PTMA: variants seen among roughly 807,000 people sequenced by gnomAD.
PTMA encodes the protein gene sequence 28.
Under a neutral mutation model 16.9 loss-of-function variants are expected in PTMA, and 4 were observed. The ratio of observed to expected loss-of-function variants is 0.24; its 90% CI spans 0.12 to 0.54. PTMA has a LOEUF of 0.54. PTMA is among the 20% of genes least tolerant of loss of function. The pLI, the probability that PTMA is intolerant of heterozygous loss-of-function variation, is 0.95. For missense variants in PTMA, 120 were observed against 137.7 expected (o/e 0.87, Z 0.64); for synonymous variants, 58 against 47.9 (o/e 1.21, Z -0.87).
intron 1 of PTMA, chr2:231,710,810 G>C (rs2048508694): frequency 1.6e-5 from 5 of 310,678 alleles, no homozygotes; most frequent in South Asian, 1.2e-4. Flanking sequence ...GGGTCGGTGT[G>C]CTTTGGCTTT....
At position 231,711,895 on chromosome 2, in the gene PTMA, G is replaced by A; in HGVS notation, c.123G>A (p.Glu41=). The change falls in exon 3 of 5, where the codon GAG becomes GAA. Residue 41 remains glutamate, a synonymous_variant. Coordinates refer to ENST00000409115, the MANE Select transcript of PTMA (RefSeq NM_002823.5). ...GCCTGTTTTCTGTCGAGGAGAATGAGGAAAATGGGGAGCAGGAGGCTGACA... is the reference window on the plus strand; with the variant it reads ...GCCTGTTTTCTGTCGAGGAGAATGAAGAAAATGGGGAGCAGGAGGCTGACA... ...RDAPANGNAN[E]ENGEQEADNE... 1 of 1,612,630 alleles carries A rather than the reference G, an allele frequency of 6.2e-7. No homozygotes were observed. The highest frequency in any genetic ancestry group is 2.2e-5 in the East Asian group (1 of 44,840).
intron 1 of PTMA, chr2:231,709,631 G>A (rs2048490084): frequency 1.3e-5 from 2 of 152,486 alleles, no homozygotes; most frequent in East Asian, 3.9e-4. Context: ...GTCGAACTGG[G>A]GGGGCGCCCG....
chr2:231,712,467 A>C lies in PTMA; in HGVS notation c.236A>C (p.Asp79Ala). Residue 79 changes from aspartate (D) to alanine (A), a missense_variant, in exon 4 of 5, where the codon GAT becomes GCT. Physicochemically the swap from Asp to Ala is moderately radical, Grantham distance 126. Transcript: ENST00000409115. Reference sequence around the variant, plus strand: ...GGTGAGGAAGAGGATGGAGATGAAGATGAGGAAGCTGAGTCAGCTACGGGC... The same window carrying C: ...GGTGAGGAAGAGGATGGAGATGAAGCTGAGGAAGCTGAGTCAGCTACGGGC... ...GDGEEEDGDE[D>A]EEAESATGKR... The C allele has an allele frequency of 6.2e-7, 1 of 1,614,142 alleles. No individual in the cohort carries two copies. Among genetic ancestry groups the C allele is most frequent in the Non-Finnish European group, 8.5e-7 (1 of 1,180,012 alleles).
In PTMA at chr2:231,708,569, T is replaced by G. The variant is rs2048469473; in HGVS notation, c.-138T>G. 2.0e-6 allele frequency: 2 copies of G among 993,428 alleles called. No homozygotes were observed. The highest frequency in any genetic ancestry group is 1.3e-5 in the South Asian group (1 of 76,654). 61.5% of individuals were successfully genotyped at this position (993,428 alleles called of 1,614,324 possible). ...AAAGCCATCTTTGCATTGTTCCTCA[T>G]CCGCCTCCTTGCTCGCCGCAGCCGC... On this transcript the variant is annotated 5_prime_UTR_variant, in exon 1 of 5. Transcript: ENST00000409115.
Position 231,708,720 on chromosome 2 carries a change from C to A in PTMA, c.14C>A (p.Ala5Asp). 1 of 1,603,598 alleles carries A rather than the reference C, an allele frequency of 6.2e-7. No homozygotes were observed. Residue 5 changes from alanine (A) to aspartate (D), a missense_variant, in exon 1 of 5, where the codon GCC (alanine) becomes GAC (aspartate). Physicochemically the swap from Ala to Asp is moderately radical, Grantham distance 126 (BLOSUM62 -2). Coordinates refer to ENST00000409115, the MANE Select transcript of PTMA (RefSeq NM_002823.5). ...GCGTGCCCCACCATGTCAGACGCAGCCGTAGACACCAGCTCCGAAATCACC... is the reference window on the plus strand; with the variant it reads ...GCGTGCCCCACCATGTCAGACGCAGACGTAGACACCAGCTCCGAAATCACC... MSDA[A>D]VDTSSEITTK... is the part of the protein sequence containing the mutation.
rs1398443356 is a variant in PTMA at position 231,711,976 on chromosome 2, A to T, written c.204A>T (p.Glu68Asp). ...EGGEEEEEEE[E>D]GDGEEEDGDE... ...GGGAGGAAGAGGAGGAGGAAGAAGA[A>T]GGTGATGGTGAGTAGCCTTGTCTAT... Residue 68 changes from glutamate (E) to aspartate (D), a missense_variant, in exon 3 of 5, where the codon GAA becomes GAT. Physicochemically the swap from Glu to Asp is conservative, Grantham distance 45. Coordinates refer to ENST00000409115, the MANE Select transcript of PTMA (RefSeq NM_002823.5). 7.0e-6 allele frequency: 11 copies of T among 1,572,162 alleles called. No individual in the cohort carries two copies. Among genetic ancestry groups the T allele is most frequent in the East Asian group, 2.4e-5 (1 of 42,374 alleles).
At position 231,708,530 on chromosome 2, in the gene PTMA, A is replaced by C; in HGVS notation, c.-177A>C. On this transcript the variant is annotated 5_prime_UTR_variant, in exon 1 of 5. Coordinates refer to ENST00000409115, the MANE Select transcript of PTMA (RefSeq NM_002823.5). ...GCTTCTGGCGCCGCGTGAGTCCCCCACTGGCTGCTCTGAAAAGCCATCTTT... is the reference window on the plus strand; with the variant it reads ...GCTTCTGGCGCCGCGTGAGTCCCCCCCTGGCTGCTCTGAAAAGCCATCTTT... 2 of 732,526 alleles carry C rather than the reference A, an allele frequency of 2.7e-6. No individual in the cohort carries two copies. The highest frequency in any genetic ancestry group is 3.0e-5 in the South Asian group (2 of 66,412). 45.4% of individuals were successfully genotyped at this position (732,526 alleles called of 1,614,324 possible). A position where few individuals can be genotyped will look rare whatever the true frequency, so the allele number is the denominator to read the frequency against.
At position 231,711,612 on chromosome 2, in the gene PTMA, C is replaced by G. The variant is rs2048519666; in HGVS notation, c.117+193C>G. On this transcript the variant is annotated intron_variant, in intron 2 of 4. Coordinates refer to ENST00000409115, the MANE Select transcript of PTMA (RefSeq NM_002823.5). ...TAAATATTTATAAAAACCTTTCGAG[C>G]AGCGCCTGAACAAGAATAGGTTCAG... The G allele has an allele frequency of 8.1e-6, 6 of 736,922 alleles. No individual in the cohort carries two copies. In the East Asian group the frequency reaches 1.6e-4, roughly 20 times the overall value. The allele number at this position is 736,922 out of a possible 1,614,324, so 45.6% of individuals were successfully genotyped here.
At chr2:231,708,920 G>A (rs2048476034) in intron 1 of PTMA, among the ~76,000 whole-genome samples, 169 bp downstream of exon 1, 1 of 152,216 alleles carries the variant, frequency 6.6e-6, no homozygotes, top group Non-Finnish European at 1.5e-5. Flanking sequence ...GTGGTGCGGG[G>A]GAGGGGGCGG....
Position 231,708,548 on chromosome 2 carries a change from C to T in PTMA, c.-159C>T, listed in dbSNP as rs1454583740. 1 of 822,652 alleles carries T rather than the reference C, an allele frequency of 1.2e-6. No individual in the cohort carries two copies. Among genetic ancestry groups the T allele is most frequent in the Non-Finnish European group, 2.0e-6 (1 of 502,008 alleles). 51.0% of individuals were successfully genotyped at this position (822,652 alleles called of 1,614,324 possible). ...GTCCCCCACTGGCTGCTCTGAAAAG[C>T]CATCTTTGCATTGTTCCTCATCCGC... On this transcript the variant is annotated 5_prime_UTR_variant, in exon 1 of 5. Transcript: ENST00000409115.
chr2:231,712,778 G>A (rs1012194233), intron 4 of PTMA, 26 bp from the exon 5 acceptor site: 5 of 1,585,872 alleles, frequency 3.2e-6, no homozygotes, highest in Admixed American at 3.6e-5. Flanking sequence ...GGTTGGAGGG[G>A]CCTTTGACAG....
chr2:231,711,345 A>C lies in PTMA; in HGVS notation c.46-3A>C, dbSNP rs767002024. The C allele has an allele frequency of 6.2e-7, 1 of 1,613,618 alleles. No individual in the cohort carries two copies. Among genetic ancestry groups the C allele is most frequent in the Admixed American group, 1.7e-5 (1 of 60,016 alleles). ...GTTACTGGTTCCTTCTTCCCTTTTG[A>C]AGGACTTAAAGGAGAAGAAGGAAGT... On this transcript the variant is annotated splice_polypyrimidine_tract_variant and splice_region_variant and intron_variant, in intron 1 of 4. Coordinates refer to ENST00000409115, the MANE Select transcript of PTMA (RefSeq NM_002823.5).
At chr2:231,709,417 C>G (rs543041663) in intron 1 of PTMA, among the ~76,000 whole-genome samples, 314 of 152,298 alleles carry the variant, frequency 2.1e-3, no homozygotes, top group Non-Finnish European at 3.7e-3. Context: ...GCGCCGGGAG[C>G]GGCCGCCCAG....
At position 231,708,717 on chromosome 2, in the gene PTMA, C is replaced by T. The variant is rs772366717; in HGVS notation, c.11C>T (p.Ala4Val). The T allele has an allele frequency of 6.2e-7, 1 of 1,603,554 alleles. No individual in the cohort carries two copies. Among genetic ancestry groups the T allele is most frequent in the Non-Finnish European group, 8.5e-7 (1 of 1,179,646 alleles). Residue 4 changes from alanine (A) to valine (V), a missense_variant, in exon 1 of 5, where the codon GCA becomes GTA. Transcript: ENST00000409115. MSDAAVDTSSEITT... is the reference protein window; with the variant it reads MSDVAVDTSSEITT... ...CCGGCGTGCCCCACCATGTCAGACG[C>T]AGCCGTAGACACCAGCTCCGAAATC...
At chr2:231,711,686 G>A (rs1473802388) in intron 2 of PTMA, 9 of 987,614 alleles carry the variant, frequency 9.1e-6, no homozygotes, top group Non-Finnish European at 8.7e-6. Flanking sequence ...GTGGGGAAAA[G>A]CCCTTGTCCT....
At chr2:231,710,035 G>C (rs1413095806) in intron 1 of PTMA, 1 of 1,210,662 alleles carries the variant, frequency 8.3e-7, no homozygotes, top group Non-Finnish European at 1.0e-6. Context: ...GCGGGGCCTG[G>C]CTGTTCGATT....
At chr2:231,710,637 G>C (rs892867092) in intron 1 of PTMA, 9 of 455,432 alleles carry the variant, frequency 2.0e-5, no homozygotes, top group South Asian at 1.4e-4. Context: ...GCCCGGGGCC[G>C]CGCTGCCTTT....
chr2:231,710,042 G>T, intron 1 of PTMA: 2 of 1,220,348 alleles, frequency 1.6e-6, no homozygotes, highest in Non-Finnish European at 2.0e-6. Flanking sequence ...CTGGCTGTTC[G>T]ATTTTCTCCG....
Position 231,713,223 on chromosome 2 carries a change from C to A in PTMA, c.*372C>A, listed in dbSNP as rs186289669. The A allele has an allele frequency of 2.9e-3, 1,373 of 467,214 alleles. 17 individuals carry two copies. Among genetic ancestry groups the A allele is most frequent in the African/African-American group, 0.026 (1,270 of 48,710 alleles). The allele number at this position is 467,214 out of a possible 1,614,324, so 28.9% of individuals were successfully genotyped here. On this transcript the variant is annotated 3_prime_UTR_variant, in exon 5 of 5. Coordinates refer to ENST00000409115, the MANE Select transcript of PTMA (RefSeq NM_002823.5). The stretch of plus-strand genomic sequence containing the variant: ...CTTCGGAGCGTTCTCTGTCCTACTT[C>A]TGACTTTACTTGTGGTGTGACCATG...
Sources: allele counts gnomAD v4.1 joint callset (sites outside exome capture counted in the v4.1 genomes callset), GRCh38; gene constraint gnomAD v4.1.1; transcripts MANE v1.5; gene names NCBI Gene and HGNC (gene_info 2026-07-23, HGNC 2026-07-21).